SP3: variants seen among roughly 807,000 people sequenced by gnomAD.
SP3 encodes Sp3 transcription factor.
In SP3, 10 loss-of-function variants were observed where a neutral mutation model predicts 70.3. The ratio of observed to expected loss-of-function variants is 0.14; its 90% CI spans 0.09 to 0.24. The LOEUF (loss-of-function observed/expected upper bound fraction) is 0.24, where lower values mean the gene tolerates loss of function less well. Among genes scored for constraint, SP3 ranks in the 10% least tolerant of loss-of-function variants. SP3 has a pLI of 1.00. For missense variants in SP3, 825 were observed against 914.6 expected, an observed-to-expected ratio of 0.90 and a Z score of 1.26; for synonymous variants, 402 against 333.5, an observed-to-expected ratio of 1.21 and a Z score of -2.24.
chr2:173,946,065 T>A (rs936558926), intron 4 of SP3, among the ~76,000 whole-genome samples: 3 of 151,840 alleles, frequency 2.0e-5, no homozygotes, highest in African/African-American at 7.3e-5. Context: ...AGGTGGAGGG[T>A]GCACTGAGCC....
In SP3 at chr2:173,955,481, T is replaced by G; in HGVS notation, c.1031A>C (p.Asp344Ala). The change falls in exon 4 of 7, where the codon GAT becomes GCT. Residue 344 changes from aspartate to alanine, a missense_variant. By Grantham distance (126) the Asp-to-Ala change is moderately radical. Around this residue, in one of 4 missense-constraint regions of SP3, gnomAD observed 678 missense variants for 651.6 expected, o/e 1.04. Transcript: ENST00000310015. ...GTTTTGTTGTAATATACCTGTACTA[T>G]CTATCGTAACAGGCAACTGTGATGA... ...SSSSQLPVTIDSTGILQQNTN... is the reference protein window; with the variant it reads ...SSSSQLPVTIASTGILQQNTN... The G allele has an allele frequency of 6.2e-7, 1 of 1,614,128 alleles. No homozygotes were observed. The highest frequency in any genetic ancestry group is 8.5e-7 in the Non-Finnish European group (1 of 1,180,006).
chr2:173,962,923 C>G (rs1378591320), intron 3 of SP3: 1 of 152,202 alleles, frequency 6.6e-6, no homozygotes, highest in Non-Finnish European at 1.5e-5. Context: ...AGCTCCTCCC[C>G]TTGCCCAGAC....
chr2:173,904,646 A>G lies in SP3; in HGVS notation c.*5295T>C, dbSNP rs913223540. On this transcript the variant is annotated 3_prime_UTR_variant, in exon 7 of 7. Transcript: ENST00000310015. The stretch of plus-strand genomic sequence containing the variant: ...CAAGACATCAGTTTTCCAATTCCAA[A>G]TTCTCAGGAGAAATCATCTAATTGG... Among the ~76,000 whole-genome samples, 1 of 152,182 alleles carries G rather than the reference A, an allele frequency of 6.6e-6. No homozygotes were observed. Among genetic ancestry groups the G allele is most frequent in the African/African-American group, 2.4e-5 (1 of 41,432 alleles).
rs771443700 is a variant in SP3 at position 173,905,997 on chromosome 2, A to AG, written c.*3943dup. On this transcript the variant is annotated 3_prime_UTR_variant, in exon 7 of 7. Coordinates refer to ENST00000310015, the MANE Select transcript of SP3 (RefSeq NM_003111.5). The stretch of plus-strand genomic sequence containing the variant: ...GACAGAGACAGACCCTGTCAAATAT[A>AG]GGGAAAAAACAAACAATAAACCCTG... Among the ~76,000 whole-genome samples, 12 of 152,208 alleles carry AG rather than the reference A, an allele frequency of 7.9e-5. No homozygotes were observed. Among genetic ancestry groups the AG allele is most frequent in the Non-Finnish European group, 1.6e-4 (11 of 68,032 alleles).
intron 4 of SP3, among the ~76,000 whole-genome samples, chr2:173,934,418 GA>G (rs1278642140): frequency 6.6e-6 from 1 of 152,026 alleles, no homozygotes; most frequent in Non-Finnish European, 1.5e-5. Flanking sequence ...TAGGCTGAAA[GA>G]AAATTAAACA....
At chr2:173,943,992 T>C (rs1280470321) in intron 4 of SP3, among the ~76,000 whole-genome samples, 3 of 152,246 alleles carry the variant, frequency 2.0e-5, no homozygotes, top group African/African-American at 4.8e-5. Context: ...CATGATGGTA[T>C]GTATCTGTAT....
Position 173,957,121 on chromosome 2 carries a change from A to G in SP3, c.280-889T>C, listed in dbSNP as rs545523977. On this transcript the variant is annotated intron_variant, in intron 3 of 6. Transcript: ENST00000310015. ...TAAACAAAAAAATCTTAAGTTTCTT[A>G]AAGAAACTCACTACCTAATTTTCAT... Among the ~76,000 whole-genome samples, 8 of 152,334 alleles carry G rather than the reference A, an allele frequency of 5.3e-5. No individual in the cohort carries two copies. The East Asian group carries it at 1.5e-3, about 29-fold the overall frequency.
rs1338047174 is a variant in SP3 at position 173,903,279 on chromosome 2, T to G, written c.*6662A>C. On this transcript the variant is annotated 3_prime_UTR_variant, in exon 7 of 7. Transcript: ENST00000310015. ...AACTTATTTATCTCCATAATCACTC[T>G]ATGAAGATGACGCTAGCATCATTCT... Among the ~76,000 whole-genome samples the G allele has an allele frequency of 6.6e-6, 1 of 152,226 alleles. No homozygotes were observed. Among genetic ancestry groups the G allele is most frequent in the African/African-American group, 2.4e-5 (1 of 41,444 alleles).
chr2:173,954,940 A>C lies in SP3; in HGVS notation c.1572T>G (p.Val524=), dbSNP rs575996883. 2 of 1,614,160 alleles carry C rather than the reference A, an allele frequency of 1.2e-6. No individual in the cohort carries two copies. The highest frequency in any genetic ancestry group is 2.7e-5 in the African/African-American group (2 of 75,040). The change falls in exon 4 of 7, where the codon GTT becomes GTG. Residue 524 remains valine, a synonymous_variant. Transcript: ENST00000310015. ...CAGCAGAATCTATAGAGTTCACTGT[A>C]ACTGTTTGTAGATTTGGCAACTGAC... ...STGQLPNLQT[V]TVNSIDSAGI... is the part of the protein sequence containing the mutation.
intron 4 of SP3, among the ~76,000 whole-genome samples, chr2:173,942,458 T>G (rs933116198): frequency 2.6e-5 from 4 of 152,108 alleles, no homozygotes; most frequent in African/African-American, 9.7e-5. Flanking sequence ...CCCAGCTACT[T>G]GGGAGGCTGA....
chr2:173,958,084 C>G (rs1192324926), intron 3 of SP3, among the ~76,000 whole-genome samples: 1 of 152,008 alleles, frequency 6.6e-6, no homozygotes, highest in Non-Finnish European at 1.5e-5. Context: ...TAACCTTTAT[C>G]TTCTTAAGGT....
intron 1 of SP3, chr2:173,964,792 C>A: frequency 2.2e-6 from 1 of 457,006 alleles, no homozygotes; most frequent in Non-Finnish European, 3.8e-6. Context: ...TCCTCCTCCC[C>A]GCGCTGCCCC....
intron 3 of SP3, among the ~76,000 whole-genome samples, chr2:173,960,475 T>C (rs1691033665): frequency 6.6e-6 from 1 of 152,168 alleles, no homozygotes; most frequent in Non-Finnish European, 1.5e-5. Flanking sequence ...CAAAGAGCAC[T>C]AAAAGAACTC....
rs1376795993 is a variant in SP3 at position 173,906,802 on chromosome 2, T to C, written c.*3139A>G. ...TAACAGAACCACTTGAGCAGCTGTT[T>C]CAAAACACATATACACTCCATCTCC... On this transcript the variant is annotated 3_prime_UTR_variant, in exon 7 of 7. Coordinates refer to ENST00000310015, the MANE Select transcript of SP3 (RefSeq NM_003111.5). The C allele has an allele frequency of 6.6e-6, 1 of 152,192 alleles. No homozygotes were observed. Among genetic ancestry groups the C allele is most frequent in the Non-Finnish European group, 1.5e-5 (1 of 68,032 alleles). The allele number at this position is 152,192 out of a possible 1,614,324, so 9.4% of individuals were successfully genotyped here. A position where few individuals can be genotyped will look rare whatever the true frequency, so the allele number is the denominator to read the frequency against.
At chr2:173,962,939 A>G (rs909617372) in intron 3 of SP3, 4 of 152,244 alleles carry the variant, frequency 2.6e-5, no homozygotes, top group African/African-American at 9.7e-5. Context: ...CAGACACTGA[A>G]AACACTACAG....
At chr2:173,960,047 G>C (rs1691016419) in intron 3 of SP3, among the ~76,000 whole-genome samples, 1 of 152,210 alleles carries the variant, frequency 6.6e-6, no homozygotes, top group African/African-American at 2.4e-5. Context: ...GCACGTGCCT[G>C]TAGTCTCAGC....
intron 4 of SP3, among the ~76,000 whole-genome samples, chr2:173,943,137 C>T (rs1039292186): frequency 9.2e-5 from 14 of 152,140 alleles, no homozygotes; most frequent in African/African-American, 2.4e-4. Context: ...GAGGCAGGGA[C>T]CTGCTGGCGT....
intron 4 of SP3, among the ~76,000 whole-genome samples, chr2:173,927,982 A>G (rs1193290341): frequency 6.6e-6 from 1 of 152,206 alleles, no homozygotes; most frequent in Non-Finnish European, 1.5e-5. Flanking sequence ...AAAAACATTC[A>G]TAATTATAGT....
At chr2:173,953,899 C>T (rs928669211) in intron 4 of SP3, among the ~76,000 whole-genome samples, 1 of 152,046 alleles carries the variant, frequency 6.6e-6, no homozygotes, top group Non-Finnish European at 1.5e-5. Flanking sequence ...TTTCCAAATA[C>T]GGATCTGAGG....
Sources: gnomAD v4.1 joint callset for allele counts (sites outside exome capture counted in the v4.1 genomes callset) on GRCh38, gnomAD v4.1.1 for gene constraint, gnomAD v4.1.1 regional missense constraint, MANE v1.5 for transcripts, NCBI Gene and HGNC (gene_info 2026-07-23, HGNC 2026-07-21) for gene names.